Variants in SLC15A4 observed in about 807,000 individuals in gnomAD.
The protein encoded by SLC15A4 is solute carrier family 15 member 4.
A neutral mutation model predicts 46.1 loss-of-function variants in SLC15A4; 26 were observed. The observed-to-expected ratio is 0.56, with a 90% CI of 0.41 to 0.78. SLC15A4 has a LOEUF of 0.78. SLC15A4 is among the 30% of genes least tolerant of loss of function. The pLI is 0.00. For missense variants in SLC15A4, 751 were observed against 755.7 expected, an observed-to-expected ratio of 0.99 and a Z score of 0.07; for synonymous variants, 370 against 333.4, an observed-to-expected ratio of 1.11 and a Z score of -1.20.
At chr12:128,808,979 G>A (rs1955621332) in intron 4 of SLC15A4, 23 bp from the exon 5 acceptor site, 1 of 1,604,102 alleles carries the variant, frequency 6.2e-7, no homozygotes, top group Non-Finnish European at 8.5e-7. Flanking sequence ...ACAGGAGGAG[G>A]CGTTTACTCC....
At chr12:128,817,188 T>C (rs1288774474) in intron 1 of SLC15A4, among the ~76,000 whole-genome samples, 1 of 152,206 alleles carries the variant, frequency 6.6e-6, no homozygotes. Context: ...CTAGACCAAA[T>C]GCAGACATCT....
chr12:128,816,689 A>G (rs1955755396), intron 1 of SLC15A4, among the ~76,000 whole-genome samples: 1 of 152,156 alleles, frequency 6.6e-6, no homozygotes, highest in Non-Finnish European at 1.5e-5. Flanking sequence ...AACATCAGCC[A>G]GGTGCGGTGG....
intron 2 of SLC15A4, among the ~76,000 whole-genome samples, chr12:128,810,952 T>C (rs978576339): frequency 1.8e-4 from 28 of 152,224 alleles, no homozygotes; most frequent in Non-Finnish European, 1.2e-4. Context: ...AGGACACCAC[T>C]GTCCCTCCAC....
At chr12:128,813,892 GGGTAAATTTTA>G in intron 2 of SLC15A4, 1 of 151,208 alleles carries the variant, frequency 6.6e-6, no homozygotes, top group South Asian at 2.1e-4. Context: ...CAGATATAAG[GGGTAAATTTTA>G]CTATCTGTAA....
At chr12:128,809,542 C>A in intron 3 of SLC15A4, 69 bp from the exon 4 acceptor site, 1 of 964,496 alleles carries the variant, frequency 1.0e-6, no homozygotes, top group Non-Finnish European at 1.6e-6. Flanking sequence ...GCATCCTGCC[C>A]CTCCCCTAAG....
Position 128,794,156 on chromosome 12 carries a change from G to A in SLC15A4, c.*40C>T. 6.4e-7 allele frequency: 1 copy of A among 1,573,800 alleles called. No individual in the cohort carries two copies. Among genetic ancestry groups the A allele is most frequent in the Non-Finnish European group, 8.6e-7 (1 of 1,156,930 alleles). On this transcript the variant is annotated 3_prime_UTR_variant, in exon 8 of 8. Coordinates refer to ENST00000266771, the MANE Select transcript of SLC15A4 (RefSeq NM_145648.4). ...TCTCAGTGCACCCCAGTCAGTTACTGACATGTCAGCCTCAGAAACCGCACA... is the reference window on the plus strand; with the variant it reads ...TCTCAGTGCACCCCAGTCAGTTACTAACATGTCAGCCTCAGAAACCGCACA...
In SLC15A4 at chr12:128,823,360, G is replaced by A. The variant is rs558306725; in HGVS notation, c.546+38C>T. 141 of 1,360,742 alleles carry A rather than the reference G, an allele frequency of 1.0e-4. No homozygotes were observed. In the African/African-American group the frequency reaches 2.0e-3, roughly 19 times the overall value. 84.3% of individuals were successfully genotyped at this position (1,360,742 alleles called of 1,614,324 possible). On this transcript the variant is annotated intron_variant, in intron 1 of 7. Transcript: ENST00000266771. ...AAGAGGCTGGGGCTGGGCAGGGGCT[G>A]GACAGGGACAGGGACAGCGCGCGGG...
intron 5 of SLC15A4, 39 bp from the exon 6 acceptor site, chr12:128,801,048 T>G: frequency 6.5e-7 from 1 of 1,537,872 alleles, no homozygotes. Context: ...ATTCATTTAT[T>G]AACATTTACA....
intron 7 of SLC15A4, among the ~76,000 whole-genome samples, chr12:128,794,645 T>C (rs937591086): frequency 6.6e-6 from 1 of 151,518 alleles, no homozygotes; most frequent in Non-Finnish European, 1.5e-5. Context: ...AAGGAGGAGG[T>C]TCCCTGAGGA....
intron 1 of SLC15A4, among the ~76,000 whole-genome samples, chr12:128,819,229 C>T (rs1263266565): frequency 6.6e-6 from 1 of 152,008 alleles, no homozygotes; most frequent in East Asian, 1.9e-4. Context: ...CATGGTGAAA[C>T]CCCGTCTCTA....
At chr12:128,799,027 C>G (rs1426677418) in intron 7 of SLC15A4, among the ~76,000 whole-genome samples, 2 of 152,128 alleles carry the variant, frequency 1.3e-5, no homozygotes, top group Non-Finnish European at 2.9e-5. Context: ...CCAGGGCAGG[C>G]TTGGCCCCTG....
chr12:128,802,686 AG>A (rs1232895004), intron 5 of SLC15A4, among the ~76,000 whole-genome samples: 26 of 152,216 alleles, frequency 1.7e-4, no homozygotes, highest in African/African-American at 6.3e-4. Context: ...TAGTTCTACC[AG>A]AGAACTTGTC....
chr12:128,798,284 G>T (rs1009746433), intron 7 of SLC15A4, among the ~76,000 whole-genome samples: 13 of 152,190 alleles, frequency 8.5e-5, no homozygotes, highest in African/African-American at 3.1e-4. Context: ...GAGAAGGTGG[G>T]AATGAAACAC....
intron 7 of SLC15A4, 70 bp downstream of exon 7, chr12:128,799,189 G>T: frequency 6.4e-7 from 1 of 1,572,878 alleles, no homozygotes. Context: ...CGCTCACTCA[G>T]CCATCTCCTG....
At chr12:128,809,369 T>C (rs1955625855) in intron 4 of SLC15A4, 27 bp downstream of exon 4, 2 of 1,444,352 alleles carry the variant, frequency 1.4e-6, no homozygotes, top group Admixed American at 2.0e-5. Flanking sequence ...AAAATAACAA[T>C]GTTCAGATCA....
intron 5 of SLC15A4, among the ~76,000 whole-genome samples, chr12:128,805,134 A>T (rs10847692): frequency 0.095 from 14,399 of 152,124 alleles, 928 homozygotes; most frequent in Admixed American, 0.2. Context: ...GGGAGATGCA[A>T]TTATCCTTGG....
chr12:128,819,361 C>A (rs1309139113), intron 1 of SLC15A4, among the ~76,000 whole-genome samples: 1 of 152,106 alleles, frequency 6.6e-6, no homozygotes, highest in African/African-American at 2.4e-5. Context: ...TGAGATCATA[C>A]CGCTGCACCC....
At chr12:128,801,939 A>T (rs970033742) in intron 5 of SLC15A4, among the ~76,000 whole-genome samples, 1 of 152,228 alleles carries the variant, frequency 6.6e-6, no homozygotes, top group Non-Finnish European at 1.5e-5. Flanking sequence ...CCAGGATATG[A>T]TCCATAGGGC....
chr12:128,823,390 C>T lies in SLC15A4; in HGVS notation c.546+8G>A. 2 of 1,410,778 alleles carry T rather than the reference C, an allele frequency of 1.4e-6. No individual in the cohort carries two copies. Among genetic ancestry groups the T allele is most frequent in the South Asian group, 1.5e-5 (1 of 66,520 alleles). The allele number at this position is 1,410,778 out of a possible 1,614,324, so 87.4% of individuals were successfully genotyped here. A position where few individuals can be genotyped will look rare whatever the true frequency, so the allele number is the denominator to read the frequency against. ...GGGACAGGGACAGCGCGCGGGGGCGCGGCTCACCTGGTCGGCGCCGAAGGG... is the reference window on the plus strand; with the variant it reads ...GGGACAGGGACAGCGCGCGGGGGCGTGGCTCACCTGGTCGGCGCCGAAGGG... On this transcript the variant is annotated splice_region_variant and intron_variant, in intron 1 of 7. Transcript: ENST00000266771.
Sources: gnomAD v4.1 joint callset for allele counts (sites outside exome capture counted in the v4.1 genomes callset) on GRCh38, gnomAD v4.1.1 for gene constraint, MANE v1.5 for transcripts, NCBI Gene and HGNC (gene_info 2026-07-23, HGNC 2026-07-21) for gene names.